The following ZNF778 variants were observed in gnomAD, a reference collection of about 807,000 sequenced individuals.
The protein encoded by ZNF778 is zinc finger protein 778.
In ZNF778, 37 loss-of-function variants were observed where a neutral mutation model predicts 23.9. The observed-to-expected ratio is 1.54, with a 90% CI of 1.19 to 2.03. The LOEUF (loss-of-function observed/expected upper bound fraction) is 2.03. Among genes scored for constraint, ZNF778 ranks in the 30% most tolerant of loss-of-function variants. The pLI, the probability that ZNF778 is intolerant of heterozygous loss-of-function variation, is 0.00. For synonymous variants in ZNF778, 483 were observed against 343.9 expected, an observed-to-expected ratio of 1.40 and a Z score of -4.48; for missense variants, 1,297 against 934.4, an observed-to-expected ratio of 1.39 and a Z score of -5.06.
intron 6 of ZNF778, 103 bp from the exon 7 acceptor site, chr16:89,226,591 G>A: frequency 3.7e-6 from 4 of 1,069,472 alleles, no homozygotes; most frequent in Non-Finnish European, 4.0e-6. Flanking sequence ...TTATGAAAAT[G>A]GCAAAAATCG....
rs987090264 is a variant in ZNF778 at position 89,232,905 on chromosome 16, A to C, written c.*4343A>C. ...CAACTCAACTCGCACTGCGTATGCA[A>C]CTCAACTCGCACTGCGTATGCGAAT... On this transcript the variant is annotated 3_prime_UTR_variant, in exon 7 of 7. Transcript: ENST00000433976. The C allele has an allele frequency of 3.1e-6, 4 of 1,282,412 alleles. No homozygotes were observed. Among genetic ancestry groups the C allele is most frequent in the Non-Finnish European group, 4.1e-6 (4 of 986,340 alleles). 79.4% of individuals were successfully genotyped at this position (1,282,412 alleles called of 1,614,324 possible).
In ZNF778 at chr16:89,227,664, G is replaced by C. The variant is rs761252607; in HGVS notation, c.1376G>C (p.Cys459Ser). The change falls in exon 7 of 7, where the codon TGT becomes TCT. Residue 459 changes from cysteine (C) to serine (S), a missense_variant. Physicochemically the swap from Cys to Ser is moderately radical, Grantham distance 112. Coordinates refer to ENST00000433976, the MANE Select transcript of ZNF778 (RefSeq NM_001201407.2). ...YTCKDCGKAF[C>S]TSSGLTEHVR... ...TGTAAGGACTGCGGGAAAGCCTTCT[G>C]TACATCCTCGGGCCTTACTGAGCAT... is the stretch of plus-strand genomic sequence containing the variant. 5 of 1,614,094 alleles carry C rather than the reference G, an allele frequency of 3.1e-6. No individual in the cohort carries two copies. The highest frequency in any genetic ancestry group is 4.2e-6 in the Non-Finnish European group (5 of 1,180,004).
intron 4 of ZNF778, among the ~76,000 whole-genome samples, chr16:89,223,672 A>G (rs2031185092): frequency 6.6e-6 from 1 of 152,178 alleles, no homozygotes; most frequent in African/African-American, 2.4e-5. Context: ...TATTTGAGTA[A>G]GAGTCTTTGT....
At chr16:89,219,833 G>T (rs2030745559) in intron 1 of ZNF778, among the ~76,000 whole-genome samples, 2 of 152,276 alleles carry the variant, frequency 1.3e-5, no homozygotes, top group South Asian at 4.1e-4. Context: ...TCTGCAGAGT[G>T]TTGTGCCTCT....
intron 2 of ZNF778, 138 bp downstream of exon 2, chr16:89,221,290 C>G (rs1327270448): frequency 2.0e-6 from 2 of 1,005,118 alleles, no homozygotes; most frequent in Admixed American, 4.6e-5. Flanking sequence ...CCAGAGAATG[C>G]TGACCTGTAA....
rs1435901621 is a variant in ZNF778, at chr16:89,233,877, G to GT, written c.*5316dup. 6.2e-6 allele frequency: 8 copies of GT among 1,289,730 alleles called. No homozygotes were observed. The highest frequency in any genetic ancestry group is 8.1e-6 in the Non-Finnish European group (8 of 989,076). 79.9% of individuals were successfully genotyped at this position (1,289,730 alleles called of 1,614,324 possible). A position where few individuals can be genotyped will look rare whatever the true frequency, so the allele number is the denominator to read the frequency against. ...TTTTTCTAACTACCACACCAAGCCA[G>GT]TATTTCTCCTCCCTGAAGTCAGCCC... On this transcript the variant is annotated 3_prime_UTR_variant, in exon 7 of 7. Coordinates refer to ENST00000433976, the MANE Select transcript of ZNF778 (RefSeq NM_001201407.2).
Position 89,228,318 on chromosome 16 carries a change from A to G in ZNF778, c.2030A>G (p.Glu677Gly). The change falls in exon 7 of 7, where the codon GAG (glutamate) becomes GGG (glycine). Residue 677 changes from glutamate to glycine, a missense_variant. By Grantham distance (98) the Glu-to-Gly change is moderately conservative (BLOSUM62 -2). Transcript: ENST00000433976. ...GGAGAGAAACCTTACATATGTAACG[A>G]GTGTGGGAAAGCCTTCCGTGCCTCC... ...HTGEKPYICNECGKAFRASSH... is the reference protein window; with the variant it reads ...HTGEKPYICNGCGKAFRASSH... The G allele has an allele frequency of 6.2e-7, 1 of 1,613,794 alleles. No homozygotes were observed. The highest frequency in any genetic ancestry group is 8.5e-7 in the Non-Finnish European group (1 of 1,179,742).
chr16:89,221,138 C>T lies in ZNF778; in HGVS notation c.11C>T (p.Pro4Leu). 1 of 1,567,008 alleles carries T rather than the reference C, an allele frequency of 6.4e-7. No homozygotes were observed. Reference protein sequence around the residue: MAAPDLAHGGHVSR... With the variant: MAALDLAHGGHVSR... ...CGTCAGCCTCCCAGGATGGCAGCCC[C>T]TGACCTGGCCCACGGTAAGTCCTGG... Residue 4 changes from proline (P) to leucine (L), a missense_variant, in exon 2 of 7, where the codon CCT becomes CTT. Coordinates refer to ENST00000433976, the MANE Select transcript of ZNF778 (RefSeq NM_001201407.2).
At position 89,229,155 on chromosome 16, in the gene ZNF778, G is replaced by A. The variant is rs375580712; in HGVS notation, c.*593G>A. On this transcript the variant is annotated 3_prime_UTR_variant, in exon 7 of 7. Coordinates refer to ENST00000433976, the MANE Select transcript of ZNF778 (RefSeq NM_001201407.2). ...GTCTGGTTGCTACAGTGTCCACGTC[G>A]CAGCCTGGCTAACAGTAGGCCTTGA... 45 of 985,968 alleles carry A rather than the reference G, an allele frequency of 4.6e-5. No homozygotes were observed. The highest frequency in any genetic ancestry group is 4.5e-4 in the African/African-American group (26 of 57,378). The allele number at this position is 985,968 out of a possible 1,614,324, so 61.1% of individuals were successfully genotyped here.
At chr16:89,223,574 A>G (rs943658980) in intron 4 of ZNF778, among the ~76,000 whole-genome samples, 1 of 152,168 alleles carries the variant, frequency 6.6e-6, no homozygotes, top group Non-Finnish European at 1.5e-5. Flanking sequence ...AGCCCTCCCG[A>G]CGATGCCAAT....
rs907881218 is a variant in ZNF778, at chr16:89,226,456, C to T, written c.406-238C>T. 9.9e-5 allele frequency among the ~76,000 whole-genome samples: 15 copies of T among 152,210 alleles called. 1 individual carries two copies. The South Asian group carries it at 1.0e-3, about 11-fold the overall frequency. ...CCGACCTCAGGTGATCTGCCCGCCT[C>T]GGCCTCCCAAAGTTCTGGGATTACA... On this transcript the variant is annotated intron_variant, in intron 6 of 6. Transcript: ENST00000433976.
chr16:89,234,432 G>A lies in ZNF778; in HGVS notation c.*5870G>A, dbSNP rs189306679. Reference sequence around the variant, plus strand: ...CACTTCTCTTCATTACTGATAGTATGAACATGGTTTTGCTTACGCTGGCTA... The same window carrying A: ...CACTTCTCTTCATTACTGATAGTATAAACATGGTTTTGCTTACGCTGGCTA... On this transcript the variant is annotated 3_prime_UTR_variant, in exon 7 of 7. Transcript: ENST00000433976. 7.1e-4 allele frequency: 143 copies of A among 202,730 alleles called. No individual in the cohort carries two copies. Among genetic ancestry groups the A allele is most frequent in the Non-Finnish European group, 1.3e-3 (131 of 97,574 alleles). The allele number at this position is 202,730 out of a possible 1,614,324, so 12.6% of individuals were successfully genotyped here. A position where few individuals can be genotyped will look rare whatever the true frequency, so the allele number is the denominator to read the frequency against.
chr16:89,234,039 C>T lies in ZNF778; in HGVS notation c.*5477C>T. 2.1e-6 allele frequency: 2 copies of T among 936,416 alleles called. No individual in the cohort carries two copies. The highest frequency in any genetic ancestry group is 3.0e-6 in the Non-Finnish European group (2 of 666,150). 58.0% of individuals were successfully genotyped at this position (936,416 alleles called of 1,614,324 possible). ...ACCCTGTGGCCTCTGCCTCCCCTGG[C>T]TCTGACTTCTGCCTCCTGCCCAGCT... is the stretch of plus-strand genomic sequence containing the variant. On this transcript the variant is annotated 3_prime_UTR_variant, in exon 7 of 7. Transcript: ENST00000433976.
chr16:89,225,688 C>T (rs1430220481), intron 6 of ZNF778, 57 bp downstream of exon 6: 2 of 1,483,742 alleles, frequency 1.3e-6, no homozygotes, highest in African/African-American at 2.8e-5. Flanking sequence ...ATTGGGAATT[C>T]CACTATAGAA....
Position 89,227,943 on chromosome 16 carries a change from T to C in ZNF778, c.1655T>C (p.Val552Ala). 1 of 1,589,702 alleles carries C rather than the reference T, an allele frequency of 6.3e-7. No homozygotes were observed. Among genetic ancestry groups the C allele is most frequent in the South Asian group, 1.1e-5 (1 of 88,136 alleles). Reference sequence around the variant, plus strand: ...AGGGTTTATCTACTGAATGAGCATGTGAAAACTCACACAGAGGAGAAGCCC... The same window carrying C: ...AGGGTTTATCTACTGAATGAGCATGCGAAAACTCACACAGAGGAGAAGCCC... ...YNRVYLLNEH[V>A]KTHTEEKPFI... The change falls in exon 7 of 7, where the codon GTG (valine) becomes GCG (alanine). Residue 552 changes from valine to alanine, a missense_variant. Val to Ala is a moderately conservative substitution (Grantham distance 64, BLOSUM62 0). Coordinates refer to ENST00000433976, the MANE Select transcript of ZNF778 (RefSeq NM_001201407.2).
rs2032208496 is a variant in ZNF778, at chr16:89,235,430, CTG to C, written c.*6870_*6871del. On this transcript the variant is annotated 3_prime_UTR_variant, in exon 7 of 7. Coordinates refer to ENST00000433976, the MANE Select transcript of ZNF778 (RefSeq NM_001201407.2). ...GAGCTGGCCTGTGAGGTTGACCACT[CTG>C]TAGGTGGACGAGCCTCGCCCGAGAA... is the stretch of plus-strand genomic sequence containing the variant. 6.6e-6 allele frequency: 1 copy of C among 152,202 alleles called. No homozygotes were observed. The highest frequency in any genetic ancestry group is 2.4e-5 in the African/African-American group (1 of 41,446). The allele number at this position is 152,202 out of a possible 1,614,324, so 9.4% of individuals were successfully genotyped here. A position where few individuals can be genotyped will look rare whatever the true frequency, so the allele number is the denominator to read the frequency against.
rs142793523 is a variant in ZNF778 at position 89,223,142 on chromosome 16, T to C, written c.118-15T>C. The C allele has an allele frequency of 5.5e-5, 89 of 1,611,112 alleles. 1 individual carries two copies. In the Admixed American group the frequency reaches 1.4e-3, roughly 26 times the overall value. The stretch of plus-strand genomic sequence containing the variant: ...ACACGTTGGAAGGCTCCAACCGTCA[T>C]GTGTGATGATTTAGGACGCGGTGAC... On this transcript the variant is annotated splice_polypyrimidine_tract_variant and intron_variant, in intron 3 of 6. Coordinates refer to ENST00000433976, the MANE Select transcript of ZNF778 (RefSeq NM_001201407.2).
rs1453797485 is a variant in ZNF778 at position 89,235,283 on chromosome 16, C to G, written c.*6721C>G. The G allele has an allele frequency of 7.2e-6, 1 of 139,298 alleles. No homozygotes were observed. The highest frequency in any genetic ancestry group is 1.6e-5 in the Non-Finnish European group (1 of 62,932). The allele number at this position is 139,298 out of a possible 1,614,324, so 8.6% of individuals were successfully genotyped here. A position where few individuals can be genotyped will look rare whatever the true frequency, so the allele number is the denominator to read the frequency against. On this transcript the variant is annotated 3_prime_UTR_variant, in exon 7 of 7. Transcript: ENST00000433976. Reference sequence around the variant, plus strand: ...CCTCATGCTGACTTCCGTTTTCACACAACGAGTGGGAAACAGGTGTCCTAA... The same window carrying G: ...CCTCATGCTGACTTCCGTTTTCACAGAACGAGTGGGAAACAGGTGTCCTAA...
chr16:89,224,729 G>A lies in ZNF778; in HGVS notation c.255G>A (p.Leu85=). 6.5e-7 allele frequency: 1 copy of A among 1,535,486 alleles called. No individual in the cohort carries two copies. The highest frequency in any genetic ancestry group is 1.2e-5 in the South Asian group (1 of 84,046). ...TTTCCCTGTGTACAGGACATCACCT[G>A]TTCCAACCCAGTGTGATCTATTGGC... ...YENLASVGHH[L]FQPSVIYWLE... is the part of the protein sequence containing the mutation. Residue 85 remains leucine, a synonymous_variant, in exon 5 of 7, where the codon CTG becomes CTA. Coordinates refer to ENST00000433976, the MANE Select transcript of ZNF778 (RefSeq NM_001201407.2).
Sources: gnomAD v4.1 joint callset for allele counts (sites outside exome capture counted in the v4.1 genomes callset) on GRCh38, gnomAD v4.1.1 for gene constraint, MANE v1.5 for transcripts, NCBI Gene and HGNC (gene_info 2026-07-23, HGNC 2026-07-21) for gene names.